The following ZDBF2 variants were observed in gnomAD, a reference collection of about 807,000 sequenced individuals.
The protein encoded by ZDBF2 is zinc finger DBF-type containing 2.
In ZDBF2, 6 loss-of-function variants were observed where a neutral mutation model predicts 9.4. That is an observed-to-expected ratio of 0.64 (90% CI 0.35 to 1.27). ZDBF2 has a LOEUF of 1.27. ZDBF2 is among the 50% of genes most tolerant of loss of function. The pLI is 0.03. For missense variants in ZDBF2, 2,697 were observed against 2,766.8 expected (o/e 0.97, Z 0.57); for synonymous variants, 905 against 946.3 (o/e 0.96, Z 0.80).
At chr2:206,294,880 A>G (rs995837137) in intron 3 of ZDBF2, among the ~76,000 whole-genome samples, 1 of 152,140 alleles carries the variant, frequency 6.6e-6, no homozygotes, top group African/African-American at 2.4e-5. Context: ...CATATTCTTT[A>G]TTCAGTAACG....
chr2:206,313,664 A>G lies in ZDBF2; in HGVS notation c.*2071A>G, dbSNP rs142594718. The G allele has an allele frequency of 3.0e-3, 455 of 152,318 alleles. No homozygotes were observed. Among genetic ancestry groups the G allele is most frequent in the African/African-American group, 0.011 (442 of 41,584 alleles). 9.4% of individuals were successfully genotyped at this position (152,318 alleles called of 1,614,324 possible). On this transcript the variant is annotated 3_prime_UTR_variant, in exon 5 of 5. Transcript: ENST00000374423. Reference sequence around the variant, plus strand: ...GTACTATGTACCTATGATGTGTCATATCGTGATTACATCATGCAGAGAGAA... The same window carrying G: ...GTACTATGTACCTATGATGTGTCATGTCGTGATTACATCATGCAGAGAGAA...
chr2:206,280,690 TAAG>T (rs993055909), intron 2 of ZDBF2, among the ~76,000 whole-genome samples: 10 of 152,220 alleles, frequency 6.6e-5, no homozygotes, highest in African/African-American at 2.4e-4. Flanking sequence ...TTTCTCATAA[TAAG>T]AAGTAATAGG....
chr2:206,298,511 AG>A (rs1692320223), intron 4 of ZDBF2, among the ~76,000 whole-genome samples: 4 of 151,910 alleles, frequency 2.6e-5, no homozygotes, highest in African/African-American at 7.3e-5. Flanking sequence ...ATAAATTTCC[AG>A]GTTTTTTTTG....
In ZDBF2 at chr2:206,311,044, T is replaced by C. The variant is rs1356547565; in HGVS notation, c.6516T>C (p.Ser2172=). ...GAAATAAGCTTTTGGAAAGTCAAAG[T>C]AAAAAGAAAATTCATGGAAAGAGGG... ...SVRNKLLESQ[S]KKKIHGKRVT... The change falls in exon 5 of 5, where the codon AGT becomes AGC. Residue 2172 remains serine (S), a synonymous_variant. Coordinates refer to ENST00000374423, the MANE Select transcript of ZDBF2 (RefSeq NM_020923.3). 4 of 1,610,010 alleles carry C rather than the reference T, an allele frequency of 2.5e-6. No homozygotes were observed. The Middle Eastern group carries it at 5.0e-4, about 200-fold the overall frequency.
rs753060804 is a variant in ZDBF2, at chr2:206,306,523, T to G, written c.1995T>G (p.Gly665=). 1.9e-6 allele frequency: 3 copies of G among 1,613,652 alleles called. No individual in the cohort carries two copies. Among genetic ancestry groups the G allele is most frequent in the Non-Finnish European group, 1.7e-6 (2 of 1,179,796 alleles). ...TGGATATGAACTGTGAATCCCATGG[T>G]CCTGAAATGGGTTTTCAGGCTGATG... ...DLMDMNCESH[G]PEMGFQADAQ... Residue 665 remains glycine (G), a synonymous_variant, in exon 5 of 5, where the codon GGT becomes GGG. Coordinates refer to ENST00000374423, the MANE Select transcript of ZDBF2 (RefSeq NM_020923.3).
intron 4 of ZDBF2, among the ~76,000 whole-genome samples, chr2:206,304,021 T>C (rs1030424619): frequency 6.6e-6 from 1 of 152,212 alleles, no homozygotes; most frequent in Non-Finnish European, 1.5e-5. Context: ...GCAGTAACTA[T>C]TCTTGTACGT....
At position 206,309,985 on chromosome 2, in the gene ZDBF2, C is replaced by G; in HGVS notation, c.5457C>G (p.Ala1819=). The G allele has an allele frequency of 1.2e-6, 2 of 1,612,944 alleles. No individual in the cohort carries two copies. Among genetic ancestry groups the G allele is most frequent in the African/African-American group, 1.3e-5 (1 of 74,930 alleles). Residue 1819 remains alanine (A), a synonymous_variant, in exon 5 of 5, where the codon GCC becomes GCG. Coordinates refer to ENST00000374423, the MANE Select transcript of ZDBF2 (RefSeq NM_020923.3). Reference sequence around the variant, plus strand: ...ATCCTGATGAACCAGTTCTTGAAGCCTTGCCTCATGTACCTCCTTCATTTG... The same window carrying G: ...ATCCTGATGAACCAGTTCTTGAAGCGTTGCCTCATGTACCTCCTTCATTTG... ...EDNPDEPVLE[A]LPHVPPSFVG...
chr2:206,300,031 C>T (rs1417256484), intron 4 of ZDBF2, among the ~76,000 whole-genome samples: 1 of 152,226 alleles, frequency 6.6e-6, no homozygotes, highest in Non-Finnish European at 1.5e-5. Flanking sequence ...ATTGCTTGAA[C>T]CCTGGAGGCG....
rs1269718011 is a variant in ZDBF2, at chr2:206,306,806, T to A, written c.2278T>A (p.Ser760Thr). The A allele has an allele frequency of 6.2e-7, 1 of 1,613,860 alleles. No homozygotes were observed. The highest frequency in any genetic ancestry group is 1.1e-5 in the South Asian group (1 of 91,084). ...TTTTGATTCTGACCCGCCTCTTCTG[T>A]CAGTTACTGAGCAGTCTCATCTGGA... The part of the protein sequence containing the change: ...LTFDSDPPLL[S>T]VTEQSHLDAE... The change falls in exon 5 of 5, where the codon TCA (serine) becomes ACA (threonine). Residue 760 changes from serine (S) to threonine (T), a missense_variant. Physicochemically the swap from Ser to Thr is moderately conservative, Grantham distance 58 (BLOSUM62 1). This residue lies in a region of ZDBF2 where 910 missense variants were observed against 973.6 expected (regional missense o/e 0.93). Transcript: ENST00000374423.
rs1693280114 is a variant in ZDBF2 at position 206,313,470 on chromosome 2, C to G, written c.*1877C>G. The G allele has an allele frequency of 6.6e-6, 1 of 152,114 alleles. No individual in the cohort carries two copies. The allele number at this position is 152,114 out of a possible 1,614,324, so 9.4% of individuals were successfully genotyped here. A position where few individuals can be genotyped will look rare whatever the true frequency, so the allele number is the denominator to read the frequency against. On this transcript the variant is annotated 3_prime_UTR_variant, in exon 5 of 5. Coordinates refer to ENST00000374423, the MANE Select transcript of ZDBF2 (RefSeq NM_020923.3). The stretch of plus-strand genomic sequence containing the variant: ...CTCCAATTTTAATTTAGGAACAAAG[C>G]TTTGTCCTACTGACTAGGAAGTAAA...
chr2:206,293,140 G>A (rs1466869114), intron 3 of ZDBF2, among the ~76,000 whole-genome samples: 1 of 152,082 alleles, frequency 6.6e-6, no homozygotes, highest in East Asian at 1.9e-4. Flanking sequence ...AAAAAACCAG[G>A]AATTCCAGAA....
rs775432428 is a variant in ZDBF2 at position 206,307,722 on chromosome 2, A to T, written c.3194A>T (p.His1065Leu). Residue 1065 changes from histidine (H) to leucine (L), a missense_variant, in exon 5 of 5, where the codon CAT (histidine) becomes CTT (leucine). By Grantham distance (99) the His-to-Leu change is moderately conservative (BLOSUM62 -3). Coordinates refer to ENST00000374423, the MANE Select transcript of ZDBF2 (RefSeq NM_020923.3). ...QPQLAFLKEK[H>L]VNLKDKNSKS... is the part of the protein sequence containing the mutation. ...CAACTAGCTTTTTTGAAGGAAAAACATGTTAATCTGAAGGACAAAAACAGT... is the reference window on the plus strand; with the variant it reads ...CAACTAGCTTTTTTGAAGGAAAAACTTGTTAATCTGAAGGACAAAAACAGT... 2 of 1,613,612 alleles carry T rather than the reference A, an allele frequency of 1.2e-6. No homozygotes were observed. Among genetic ancestry groups the T allele is most frequent in the South Asian group, 2.2e-5 (2 of 90,980 alleles).
chr2:206,308,783 C>A lies in ZDBF2; in HGVS notation c.4255C>A (p.Gln1419Lys). 6.2e-7 allele frequency: 1 copy of A among 1,613,712 alleles called. No individual in the cohort carries two copies. ...AAGTTATGCTTCTCATATTCCTGTT[C>A]AGTTTGTGACTGATCAATCTTCTGT... The part of the protein sequence containing the change: ...DVSYASHIPV[Q>K]FVTDQSSVPV... The change falls in exon 5 of 5, where the codon CAG (glutamine) becomes AAG (lysine). Residue 1419 changes from glutamine to lysine, a missense_variant. By Grantham distance (53) the Gln-to-Lys change is moderately conservative. Around this residue, in one of 3 missense-constraint regions of ZDBF2, gnomAD observed 1,783 missense variants for 1,776.5 expected, o/e 1.00. Coordinates refer to ENST00000374423, the MANE Select transcript of ZDBF2 (RefSeq NM_020923.3).
In ZDBF2 at chr2:206,285,860, G is replaced by A. The variant is rs189150402; in HGVS notation, c.60+3951G>A. On this transcript the variant is annotated intron_variant, in intron 3 of 4. Coordinates refer to ENST00000374423, the MANE Select transcript of ZDBF2 (RefSeq NM_020923.3). ...GATAGGGGTCTAGTTTCACTTTTCT[G>A]CATATAGATATCCAGTTTTCTCAGC... 6.3e-4 allele frequency among the ~76,000 whole-genome samples: 96 copies of A among 152,222 alleles called. 1 individual carries two copies. Among genetic ancestry groups the A allele is most frequent in the African/African-American group, 2.1e-3 (89 of 41,536 alleles).
In ZDBF2 at chr2:206,307,096, G is replaced by A. The variant is rs780940987; in HGVS notation, c.2568G>A (p.Glu856=). 3.7e-6 allele frequency: 6 copies of A among 1,611,952 alleles called. No individual in the cohort carries two copies. In the South Asian group the frequency reaches 5.5e-5, roughly 15 times the overall value. ...TTAAAGAAGTAATTCAGAAAGAAGA[G>A]TACATTCACTTAGAAAGGAAGAATG... is the stretch of plus-strand genomic sequence containing the variant. The part of the protein sequence containing the change: ...VAVKEVIQKE[E]YIHLERKNDE... The change falls in exon 5 of 5, where the codon GAG becomes GAA. Residue 856 remains glutamate (E), a synonymous_variant. Coordinates refer to ENST00000374423, the MANE Select transcript of ZDBF2 (RefSeq NM_020923.3).
At chr2:206,298,436 T>A (rs1692315370) in intron 4 of ZDBF2, among the ~76,000 whole-genome samples, 1 of 152,166 alleles carries the variant, frequency 6.6e-6, no homozygotes, top group African/African-American at 2.4e-5. Flanking sequence ...TGGGGAAAAG[T>A]TAGAGGAAAA....
chr2:206,290,345 A>T (rs1005780265), intron 3 of ZDBF2, among the ~76,000 whole-genome samples: 14 of 152,080 alleles, frequency 9.2e-5, no homozygotes, highest in Admixed American at 2.6e-4. Context: ...GGTTCCTTGT[A>T]TTTCCATGTG....
At position 206,305,242 on chromosome 2, in the gene ZDBF2, T is replaced by C. The variant is rs780525160; in HGVS notation, c.714T>C (p.Pro238=). The change falls in exon 5 of 5, where the codon CCT becomes CCC. Residue 238 remains proline, a synonymous_variant. Coordinates refer to ENST00000374423, the MANE Select transcript of ZDBF2 (RefSeq NM_020923.3). ...LEQPDGASRN[P]VPSSHVETTS... ...AGCCAGATGGGGCCTCTAGAAATCCTGTGCCATCATCCCATGTAGAAACTA... is the reference window on the plus strand; with the variant it reads ...AGCCAGATGGGGCCTCTAGAAATCCCGTGCCATCATCCCATGTAGAAACTA... 1.9e-6 allele frequency: 3 copies of C among 1,613,812 alleles called. No individual in the cohort carries two copies. The highest frequency in any genetic ancestry group is 2.5e-6 in the Non-Finnish European group (3 of 1,179,820).
At chr2:206,300,663 C>A (rs1321962816) in intron 4 of ZDBF2, among the ~76,000 whole-genome samples, 1 of 152,098 alleles carries the variant, frequency 6.6e-6, no homozygotes, top group Non-Finnish European at 1.5e-5. Flanking sequence ...TAATAAGGAT[C>A]GTATGGGGAA....
Sources: gnomAD v4.1 joint callset for allele counts (sites outside exome capture counted in the v4.1 genomes callset) on GRCh38, gnomAD v4.1.1 for gene constraint, gnomAD v4.1.1 regional missense constraint, MANE v1.5 for transcripts, NCBI Gene and HGNC (gene_info 2026-07-23, HGNC 2026-07-21) for gene names.